Variants in MSI2 observed in about 807,000 individuals in gnomAD.
MSI2 encodes RNA-binding protein Musashi homolog 2.
MSI2 carries 17 observed loss-of-function variants against 45.6 expected under a neutral mutation model. That is an observed-to-expected ratio of 0.37 (90% CI 0.26 to 0.56). The LOEUF (loss-of-function observed/expected upper bound fraction) is 0.56. Ranked by LOEUF, MSI2 falls within the 20% of genes least tolerant of loss-of-function variation. The pLI is 0.77. For missense variants in MSI2, 293 were observed against 444.2 expected (o/e 0.66, Z 3.06); for synonymous variants, 156 against 158.2 (o/e 0.99, Z 0.11).
intron 10 of MSI2, among the ~76,000 whole-genome samples, chr17:57,645,722 C>G (rs1361059165): frequency 6.6e-6 from 1 of 152,112 alleles, no homozygotes; most frequent in Non-Finnish European, 1.5e-5. Flanking sequence ...GACACCACAC[C>G]TGGCCCTGGG....
intron 7 of MSI2, among the ~76,000 whole-genome samples, chr17:57,595,388 C>CATA (rs2144446376): frequency 6.6e-6 from 1 of 152,116 alleles, no homozygotes; most frequent in East Asian, 1.9e-4. Context: ...CAGCCAGGTT[C>CATA]ATACCTTTGG....
At chr17:57,635,951 T>C (rs1288619486) in intron 10 of MSI2, among the ~76,000 whole-genome samples, 2 of 152,180 alleles carry the variant, frequency 1.3e-5, no homozygotes, top group Non-Finnish European at 2.9e-5. Context: ...CCAATGATGG[T>C]TCTTCGGCGC....
intron 7 of MSI2, among the ~76,000 whole-genome samples, chr17:57,562,824 G>A (rs1230157603): frequency 6.6e-6 from 1 of 152,062 alleles, no homozygotes; most frequent in Non-Finnish European, 1.5e-5. Flanking sequence ...CAGGCCGGGT[G>A]CGATGGCTCA....
At chr17:57,585,751 C>A (rs2088328749) in intron 7 of MSI2, among the ~76,000 whole-genome samples, 1 of 152,226 alleles carries the variant, frequency 6.6e-6, no homozygotes. Flanking sequence ...CCCCATCTCC[C>A]CTGAGCTCAG....
chr17:57,305,001 G>C (rs529177535), intron 5 of MSI2, among the ~76,000 whole-genome samples: 1 of 152,274 alleles, frequency 6.6e-6, no homozygotes, highest in East Asian at 1.9e-4. Context: ...GTAAAAATAA[G>C]ACAAGCCAGG....
At chr17:57,567,908 C>T (rs2079953571) in intron 7 of MSI2, among the ~76,000 whole-genome samples, 2 of 152,218 alleles carry the variant, frequency 1.3e-5, no homozygotes, top group Admixed American at 1.3e-4. Context: ...ACAATAAATA[C>T]CTTTACTGAA....
intron 6 of MSI2, among the ~76,000 whole-genome samples, chr17:57,477,863 A>G (rs967070036): frequency 5.3e-5 from 8 of 152,194 alleles, no homozygotes; most frequent in Admixed American, 2.0e-4. Flanking sequence ...AGTGGCAGTC[A>G]TGAGTGGAAG....
chr17:57,452,300 A>AG (rs2085033995), intron 6 of MSI2, among the ~76,000 whole-genome samples: 1 of 152,164 alleles, frequency 6.6e-6, no homozygotes, highest in African/African-American at 2.4e-5. Flanking sequence ...CCTCCTCCAG[A>AG]GGGGGAGCAG....
chr17:57,429,163 G>T (rs2218353), intron 6 of MSI2, among the ~76,000 whole-genome samples: 145,001 of 152,122 alleles, frequency 0.95, 69,471 homozygotes, highest in South Asian at 1. Context: ...TTCATGTGGG[G>T]AGGGCCTTCT....
At chr17:57,576,772 A>G (rs901030237) in intron 7 of MSI2, among the ~76,000 whole-genome samples, 2 of 146,430 alleles carry the variant, frequency 1.4e-5, no homozygotes, top group Non-Finnish European at 3.0e-5. Flanking sequence ...AAAAAAAAAA[A>G]TGACTATAAT....
At chr17:57,584,360 T>C (rs1026235403) in intron 7 of MSI2, among the ~76,000 whole-genome samples, 2 of 152,168 alleles carry the variant, frequency 1.3e-5, no homozygotes, top group Non-Finnish European at 2.9e-5. Context: ...TATGTGTGTC[T>C]CTTGCAAACC....
At chr17:57,642,417 C>A (rs1440803355) in intron 10 of MSI2, among the ~76,000 whole-genome samples, 1 of 152,196 alleles carries the variant, frequency 6.6e-6, no homozygotes, top group Non-Finnish European at 1.5e-5. Flanking sequence ...GGTGTAGCCA[C>A]GCCCAGGTCC....
intron 5 of MSI2, among the ~76,000 whole-genome samples, chr17:57,350,242 G>GTGTGTGTGTGTA (rs1915920013): frequency 6.6e-6 from 1 of 151,960 alleles, no homozygotes; most frequent in Admixed American, 6.6e-5. Context: ...GTGTGTGTGT[G>GTGTGTGTGTGTA]TGTGTGTGTG....
At chr17:57,462,996 T>C (rs907133314) in intron 6 of MSI2, among the ~76,000 whole-genome samples, 18 of 152,204 alleles carry the variant, frequency 1.2e-4, no homozygotes, top group Admixed American at 1.2e-3. Flanking sequence ...GTGGAGGCCA[T>C]GGGGCCCCTT....
In MSI2 at chr17:57,524,266, A is replaced by C. The variant is rs141859143; in HGVS notation, c.406-5410A>C. On this transcript the variant is annotated intron_variant, in intron 6 of 13. Coordinates refer to ENST00000284073, the MANE Select transcript of MSI2 (RefSeq NM_138962.4). ...GCATTTTATTAGCCCTAACAAATTA[A>C]GCCCAGATTCAAGGGATGAAAGTAG... Among the ~76,000 whole-genome samples the C allele has an allele frequency of 1.2e-3, 184 of 152,364 alleles. 1 individual carries two copies. The highest frequency in any genetic ancestry group is 4.4e-3 in the African/African-American group (181 of 41,590).
At chr17:57,361,546 A>G (rs986891227) in intron 5 of MSI2, among the ~76,000 whole-genome samples, 4 of 151,804 alleles carry the variant, frequency 2.6e-5, no homozygotes, top group Admixed American at 6.6e-5. Flanking sequence ...TGCAGAGGTT[A>G]CATTGAGGCA....
At position 57,680,273 on chromosome 17, in the gene MSI2, A is replaced by G. The variant is rs972258207; in HGVS notation, c.*756A>G. ...AGTGTTTTGAGTGTCCTCCTTTTCT[A>G]TAAGTGCTTTTTTTCTGTTGAAAGA... is the stretch of plus-strand genomic sequence containing the variant. On this transcript the variant is annotated 3_prime_UTR_variant, in exon 14 of 14. Coordinates refer to ENST00000284073, the MANE Select transcript of MSI2 (RefSeq NM_138962.4). 1.7e-5 allele frequency: 4 copies of G among 228,600 alleles called. No individual in the cohort carries two copies. Among genetic ancestry groups the G allele is most frequent in the African/African-American group, 8.9e-5 (4 of 45,148 alleles). The allele number at this position is 228,600 out of a possible 1,614,324, so 14.2% of individuals were successfully genotyped here.
chr17:57,572,267 T>C (rs2087898680), intron 7 of MSI2, among the ~76,000 whole-genome samples: 1 of 152,216 alleles, frequency 6.6e-6, no homozygotes, highest in African/African-American at 2.4e-5. Flanking sequence ...ACTGTGAGAA[T>C]TATTTTGAGC....
At chr17:57,382,929 T>G (rs2083622342) in intron 5 of MSI2, among the ~76,000 whole-genome samples, 2 of 152,212 alleles carry the variant, frequency 1.3e-5, no homozygotes, top group African/African-American at 4.8e-5. Flanking sequence ...TACTCTGCTA[T>G]GTCCCAGGTG....
Sources: allele counts gnomAD v4.1 joint callset (sites outside exome capture counted in the v4.1 genomes callset), GRCh38; gene constraint gnomAD v4.1.1; transcripts MANE v1.5; gene names NCBI Gene and HGNC (gene_info 2026-07-23, HGNC 2026-07-21).